HIVEP1: variants seen among roughly 807,000 people sequenced by gnomAD.
The protein encoded by HIVEP1 is HIVEP zinc finger 1.
Under a neutral mutation model 180.0 loss-of-function variants are expected in HIVEP1, and 36 were observed. The ratio of observed to expected loss-of-function variants is 0.20; its 90% CI spans 0.15 to 0.26. The LOEUF is 0.26. HIVEP1 is among the 10% of genes least tolerant of loss of function. HIVEP1 has a pLI of 1.00. For missense variants in HIVEP1, 3,143 were observed against 3,268.7 expected, an observed-to-expected ratio of 0.96 and a Z score of 0.94; for synonymous variants, 1,239 against 1,239.0, an observed-to-expected ratio of 1.00 and a Z score of 0.00.
At chr6:12,026,062 T>G (rs1159831560) in intron 2 of HIVEP1, among the ~76,000 whole-genome samples, 1 of 151,936 alleles carries the variant, frequency 6.6e-6, no homozygotes, top group Non-Finnish European at 1.5e-5. Context: ...AAAGAACAAT[T>G]TTTAAGGGAT....
At chr6:12,052,166 A>G (rs1770585323) in intron 2 of HIVEP1, among the ~76,000 whole-genome samples, 1 of 152,200 alleles carries the variant, frequency 6.6e-6, no homozygotes, top group Non-Finnish European at 1.5e-5. Flanking sequence ...TTCTTACGGA[A>G]TCAAGACCAC....
chr6:12,191,171 T>G, the HIVEP1 span, among the ~76,000 whole-genome samples: 1 of 152,216 alleles, frequency 6.6e-6, no homozygotes, highest in African/African-American at 2.4e-5. Flanking sequence ...ACAATAGCAT[T>G]CTAACAGTAA....
intron 7 of HIVEP1, among the ~76,000 whole-genome samples, chr6:12,145,386 G>C (rs1030326065): frequency 6.6e-6 from 1 of 151,998 alleles, no homozygotes; most frequent in Non-Finnish European, 1.5e-5. Context: ...GGGCCTGGGG[G>C]AGGGATAGCA....
intron 2 of HIVEP1, among the ~76,000 whole-genome samples, chr6:12,017,690 T>A (rs1767902843): frequency 6.6e-6 from 1 of 152,234 alleles, no homozygotes; most frequent in Non-Finnish European, 1.5e-5. Context: ...TTACAATCCC[T>A]GAGCTAGACA....
upstream of HIVEP1, chr6:12,008,682 C>G (rs41273100): frequency 0.05 from 7,585 of 152,114 alleles, 230 homozygotes; most frequent in Middle Eastern, 0.17. Flanking sequence ...AGGCGGTGCA[C>G]TAGATAACAT....
intron 3 of HIVEP1, among the ~76,000 whole-genome samples, chr6:12,102,480 A>T (rs962986212): frequency 1.5e-5 from 2 of 136,506 alleles, no homozygotes; most frequent in Admixed American, 7.8e-5. Flanking sequence ...TGTCCCTAAG[A>T]GGAGGAGAAA....
chr6:12,145,694 C>T (rs1048310995), intron 7 of HIVEP1, among the ~76,000 whole-genome samples: 3 of 152,166 alleles, frequency 2.0e-5, no homozygotes, highest in East Asian at 3.9e-4. Context: ...GCATCACTTA[C>T]GCCCTTTATT....
intron 7 of HIVEP1, among the ~76,000 whole-genome samples, chr6:12,141,811 A>G (rs1296008685): frequency 6.6e-6 from 1 of 151,744 alleles, no homozygotes; most frequent in Non-Finnish European, 1.5e-5. Context: ...TGGCAAAGGG[A>G]TCAATTCAAC....
At chr6:12,183,806 T>C in the HIVEP1 span, among the ~76,000 whole-genome samples, 1 of 152,186 alleles carries the variant, frequency 6.6e-6, no homozygotes, top group Non-Finnish European at 1.5e-5. Flanking sequence ...AGATACAATA[T>C]ACAAAAGCAA....
the HIVEP1 span, among the ~76,000 whole-genome samples, chr6:12,187,873 A>G: frequency 6.6e-6 from 1 of 152,170 alleles, no homozygotes; most frequent in Non-Finnish European, 1.5e-5. Flanking sequence ...GGTGTGAGCC[A>G]CCATGCCTGG....
chr6:12,014,928 T>A (rs749811502), intron 1 of HIVEP1, among the ~76,000 whole-genome samples: 17 of 152,290 alleles, frequency 1.1e-4, no homozygotes, highest in Non-Finnish European at 1.6e-4. Context: ...GCAGTGCTGA[T>A]CCCATGGCAG....
intron 2 of HIVEP1, among the ~76,000 whole-genome samples, chr6:12,023,860 C>T (rs188800195): frequency 4.6e-4 from 70 of 152,052 alleles, no homozygotes; most frequent in African/African-American, 1.5e-3. Flanking sequence ...TACCATAGAA[C>T]GGAAAAATAC....
chr6:12,076,902 A>G (rs1374348061), intron 2 of HIVEP1, among the ~76,000 whole-genome samples: 1 of 152,176 alleles, frequency 6.6e-6, no homozygotes, highest in East Asian at 1.9e-4. Flanking sequence ...ATAGTCAGCT[A>G]CTTAACGTTA....
At chr6:12,012,155 C>T (rs930220493), upstream of HIVEP1, 5 of 142,978 alleles carry the variant, frequency 3.5e-5, no homozygotes, top group African/African-American at 1.3e-4. Flanking sequence ...CTGCCCGGCT[C>T]CCTGGCGGCC....
chr6:12,201,986 G>T, the HIVEP1 span, among the ~76,000 whole-genome samples: 2 of 152,094 alleles, frequency 1.3e-5, no homozygotes, highest in Non-Finnish European at 2.9e-5. Flanking sequence ...TACAAGAATG[G>T]TTCCCTCTAC....
chr6:12,168,092 C>CATATGTATATAT (rs781151396), downstream of HIVEP1, among the ~76,000 whole-genome samples: 1,130 of 16,698 alleles, frequency 0.068, 369 homozygotes, highest in Non-Finnish European at 0.093. Flanking sequence ...TACATATATA[C>CATATGTATATAT]ACATACACGT....
the HIVEP1 span, among the ~76,000 whole-genome samples, chr6:12,174,718 C>G: frequency 6.6e-6 from 1 of 152,140 alleles, no homozygotes; most frequent in Non-Finnish European, 1.5e-5. Flanking sequence ...ATCGTATGTT[C>G]TTTAGAATTT....
chr6:12,172,820 C>G, the HIVEP1 span, among the ~76,000 whole-genome samples: 1 of 148,232 alleles, frequency 6.7e-6, no homozygotes, highest in Admixed American at 6.7e-5. Flanking sequence ...TTCCATGCTG[C>G]TTTTTCAGTA....
intron 2 of HIVEP1, among the ~76,000 whole-genome samples, chr6:12,051,026 A>ATATATATATG (rs1329873734): frequency 1.4e-5 from 2 of 141,222 alleles, no homozygotes; most frequent in Non-Finnish European, 3.1e-5. Flanking sequence ...ATATATATAT[A>ATATATATATG]TATATGTATA....
Sources: allele counts gnomAD v4.1 joint callset (sites outside exome capture counted in the v4.1 genomes callset), GRCh38; gene constraint gnomAD v4.1.1; transcripts MANE v1.5; gene names NCBI Gene and HGNC (gene_info 2026-07-23, HGNC 2026-07-21).